Variants in PTPRD observed in about 807,000 individuals in gnomAD.
PTPRD encodes receptor-type tyrosine-protein phosphatase delta.
Under a neutral mutation model 214.5 loss-of-function variants are expected in PTPRD, and 34 were observed. That is an observed-to-expected ratio of 0.16 (90% CI 0.12 to 0.21). The LOEUF (loss-of-function observed/expected upper bound fraction) is 0.21, where lower values mean the gene tolerates loss of function less well. Ranked by LOEUF, PTPRD falls within the 10% of genes least tolerant of loss-of-function variation. The pLI, the probability that PTPRD is intolerant of heterozygous loss-of-function variation, is 1.00. For synonymous variants in PTPRD, 1,128 were observed against 845.7 expected, an observed-to-expected ratio of 1.33 and a Z score of -5.79; for missense variants, 2,545 against 2,398.7, an observed-to-expected ratio of 1.06 and a Z score of -1.27.
intron 3 of PTPRD, among the ~76,000 whole-genome samples, chr9:10,162,666 T>TATACATATAC (rs2099134734): frequency 1.4e-5 from 2 of 147,510 alleles, no homozygotes; most frequent in Non-Finnish European, 3.0e-5. Context: ...TATACATGTA[T>TATACATATAC]ATGTATATAC....
chr9:9,464,834 T>A (rs2093997295), intron 8 of PTPRD, among the ~76,000 whole-genome samples: 1 of 152,188 alleles, frequency 6.6e-6, no homozygotes, highest in Non-Finnish European at 1.5e-5. Flanking sequence ...GTCTTAAAGG[T>A]ACAGCAAAAA....
In PTPRD at chr9:8,857,185, GGAAA is replaced by G. The variant is rs536164961; in HGVS notation, c.-103-123243_-103-123240del. ...TTCTCCTTCTCCCCACTAGTTCAGA[GGAAA>G]GAAAGAAAAAGAAATCGCCCCCTCA... On this transcript the variant is annotated intron_variant, in intron 11 of 45. Transcript: ENST00000381196. 3.5e-3 allele frequency among the ~76,000 whole-genome samples: 536 copies of G among 152,210 alleles called. 4 individuals are homozygous for G. Among genetic ancestry groups the G allele is most frequent in the African/African-American group, 0.012 (512 of 41,544 alleles).
intron 2 of PTPRD, among the ~76,000 whole-genome samples, chr9:10,526,915 T>A (rs1566744400): frequency 6.6e-6 from 1 of 152,132 alleles, no homozygotes; most frequent in South Asian, 2.1e-4. Context: ...TTCATCCTCA[T>A]CTGCAGATGG....
At chr9:8,545,732 A>C (rs1332057053) in intron 14 of PTPRD, among the ~76,000 whole-genome samples, 3 of 152,220 alleles carry the variant, frequency 2.0e-5, no homozygotes, top group Non-Finnish European at 2.9e-5. Context: ...TTGAAAGTTC[A>C]AATGGTGTTT....
intron 14 of PTPRD, among the ~76,000 whole-genome samples, chr9:8,578,959 AATGTATTAAG>A (rs1463284348): frequency 6.6e-6 from 1 of 152,170 alleles, no homozygotes; most frequent in African/African-American, 2.4e-5. Context: ...TCAATTTATA[AATGTATTAAG>A]CTGGATTTAT....
chr9:9,297,617 G>C (rs964910104), intron 9 of PTPRD, among the ~76,000 whole-genome samples: 2 of 151,590 alleles, frequency 1.3e-5, no homozygotes, highest in Admixed American at 6.6e-5. Flanking sequence ...ATAATTTTTA[G>C]TTAAGAGTTA....
chr9:9,092,966 G>C (rs912819489), intron 10 of PTPRD, among the ~76,000 whole-genome samples: 4 of 151,894 alleles, frequency 2.6e-5, no homozygotes, highest in Non-Finnish European at 5.9e-5. Context: ...CATGGACATA[G>C]CTAGGTTCAA....
intron 5 of PTPRD, among the ~76,000 whole-genome samples, chr9:9,872,222 A>T (rs903960723): frequency 6.6e-6 from 1 of 152,134 alleles, no homozygotes; most frequent in East Asian, 1.9e-4. Flanking sequence ...TAGGCTCTGA[A>T]GGCAGCCAGC....
At chr9:9,374,099 T>C (rs2060195983) in intron 9 of PTPRD, among the ~76,000 whole-genome samples, 2 of 151,930 alleles carry the variant, frequency 1.3e-5, no homozygotes, top group Non-Finnish European at 1.5e-5. Context: ...TACGCAACCA[T>C]AAAAATGTGC....
intron 3 of PTPRD, among the ~76,000 whole-genome samples, chr9:10,217,336 T>G (rs1017608402): frequency 1.3e-5 from 2 of 151,624 alleles, no homozygotes; most frequent in Admixed American, 1.3e-4. Flanking sequence ...AAGATTAGCC[T>G]CTGAGACCTG....
At chr9:9,959,853 A>G (rs960935792) in intron 4 of PTPRD, among the ~76,000 whole-genome samples, 2 of 152,226 alleles carry the variant, frequency 1.3e-5, no homozygotes, top group African/African-American at 4.8e-5. Flanking sequence ...GTGATGGATT[A>G]GAGTTGTAGA....
intron 14 of PTPRD, among the ~76,000 whole-genome samples, chr9:8,531,018 T>G (rs937775577): frequency 1.3e-5 from 2 of 152,074 alleles, no homozygotes; most frequent in African/African-American, 4.8e-5. Context: ...GACCAGGTAG[T>G]TAGGGCCGGG....
chr9:8,928,094 G>C (rs530932532), intron 11 of PTPRD, among the ~76,000 whole-genome samples: 59 of 152,148 alleles, frequency 3.9e-4, no homozygotes, highest in Non-Finnish European at 3.4e-4. Flanking sequence ...TGCAGATTCT[G>C]GATATTTGCC....
intron 3 of PTPRD, among the ~76,000 whole-genome samples, chr9:10,065,270 C>A (rs778890445): frequency 2.0e-5 from 3 of 151,810 alleles, no homozygotes; most frequent in Admixed American, 6.6e-5. Context: ...AACTCTAACC[C>A]AAGGTAGTTG....
chr9:9,568,395 C>T (rs2085273989), intron 8 of PTPRD, among the ~76,000 whole-genome samples: 1 of 151,834 alleles, frequency 6.6e-6, no homozygotes, highest in Non-Finnish European at 1.5e-5. Flanking sequence ...ATTCTGCCTT[C>T]TCATCTTTAA....
chr9:10,440,023 A>AAT (rs2098748405), intron 2 of PTPRD, among the ~76,000 whole-genome samples: 1 of 151,140 alleles, frequency 6.6e-6, no homozygotes, highest in African/African-American at 2.4e-5. Context: ...CAATAATAAA[A>AAT]ATATATATAT....
chr9:8,805,309 T>C (rs1387038261), intron 11 of PTPRD, among the ~76,000 whole-genome samples: 2 of 152,190 alleles, frequency 1.3e-5, no homozygotes, highest in African/African-American at 2.4e-5. Flanking sequence ...TAGAATTCAT[T>C]TTCCCCATTT....
chr9:10,488,484 C>G (rs1430939478), intron 2 of PTPRD, among the ~76,000 whole-genome samples: 1 of 152,042 alleles, frequency 6.6e-6, no homozygotes, highest in African/African-American at 2.4e-5. Context: ...GTTCAAGGTC[C>G]TGGGACTCTA....
chr9:10,027,422 G>C (rs969865123), intron 4 of PTPRD, among the ~76,000 whole-genome samples: 6 of 152,146 alleles, frequency 3.9e-5, no homozygotes, highest in Non-Finnish European at 7.3e-5. Flanking sequence ...CACTATCATG[G>C]AGAGATACAT....
Sources: gnomAD v4.1 joint callset for allele counts (sites outside exome capture counted in the v4.1 genomes callset) on GRCh38, gnomAD v4.1.1 for gene constraint, MANE v1.5 for transcripts, NCBI Gene and HGNC (gene_info 2026-07-23, HGNC 2026-07-21) for gene names.